RANBP6: variants seen among roughly 807,000 people sequenced by gnomAD.
RANBP6 encodes RAN binding protein 6.
In RANBP6, 10 loss-of-function variants were observed where a neutral mutation model predicts 35.3. The ratio of observed to expected loss-of-function variants is 0.28; its 90% CI spans 0.17 to 0.48. RANBP6 has a LOEUF of 0.48. RANBP6 is among the 20% of genes least tolerant of loss of function. RANBP6 has a pLI of 0.99. For synonymous variants in RANBP6, 514 were observed against 464.2 expected (o/e 1.11, Z -1.38); for missense variants, 1,392 against 1,307.7 (o/e 1.06, Z -0.99).
Position 6,013,752 on chromosome 9 carries a change from A to C in RANBP6, c.1856T>G (p.Met619Arg). 1 of 1,613,944 alleles carries C rather than the reference A, an allele frequency of 6.2e-7. No individual in the cohort carries two copies. The highest frequency in any genetic ancestry group is 8.5e-7 in the Non-Finnish European group (1 of 1,180,032). Residue 619 changes from methionine to arginine, a missense_variant, in exon 1 of 1, where the codon ATG (methionine) becomes AGG (arginine). Met to Arg is a moderately conservative substitution (Grantham distance 91, BLOSUM62 -1). Coordinates refer to ENST00000259569, the MANE Select transcript of RANBP6 (RefSeq NM_012416.4). ...AAAATCTTTTCCAAGAATTTTACAC[A>C]TTCTAGCCCATGCTGAAACCATGTA... ...TSYMVSAWAR[M>R]CKILGKDFQQ...
chr9:6,014,490 T>C lies in RANBP6; in HGVS notation c.1118A>G (p.Gln373Arg), dbSNP rs779158569. ...CTTCCAGTCAGGGCTCTGAAGCATC[T>C]GCATGATATGCTCCTTGGTCATTGG... ...VLPMTKEHIM[Q>R]MLQSPDWKYR... The change falls in exon 1 of 1, where the codon CAG (glutamine) becomes CGG (arginine). Residue 373 changes from glutamine (Q) to arginine (R), a missense_variant. By Grantham distance (43) the Gln-to-Arg change is conservative. Transcript: ENST00000259569. The C allele has an allele frequency of 6.2e-7, 1 of 1,614,238 alleles. No individual in the cohort carries two copies. Among genetic ancestry groups the C allele is most frequent in the Non-Finnish European group, 8.5e-7 (1 of 1,180,044 alleles).
Position 6,014,604 on chromosome 9 carries a change from A to G in RANBP6, c.1004T>C (p.Met335Thr). 1 of 1,614,148 alleles carries G rather than the reference A, an allele frequency of 6.2e-7. No individual in the cohort carries two copies. Among genetic ancestry groups the G allele is most frequent in the Non-Finnish European group, 8.5e-7 (1 of 1,180,034 alleles). The part of the protein sequence containing the change: ...DDEDWVNADE[M>T]EEDDFDSNAV... Reference sequence around the variant, plus strand: ...ATTGCTGTCAAAATCATCTTCTTCCATTTCATCAGCATTTACCCAGTCCTC... The same window carrying G: ...ATTGCTGTCAAAATCATCTTCTTCCGTTTCATCAGCATTTACCCAGTCCTC... Residue 335 changes from methionine to threonine, a missense_variant, in exon 1 of 1, where the codon ATG becomes ACG. Coordinates refer to ENST00000259569, the MANE Select transcript of RANBP6 (RefSeq NM_012416.4).
At position 6,013,016 on chromosome 9, in the gene RANBP6, C is replaced by G. The variant is rs1415078256; in HGVS notation, c.2592G>C (p.Lys864Asn). The G allele has an allele frequency of 1.2e-5, 19 of 1,613,524 alleles. No individual in the cohort carries two copies. The highest frequency in any genetic ancestry group is 1.5e-5 in the Non-Finnish European group (18 of 1,179,860). Residue 864 changes from lysine (K) to asparagine (N), a missense_variant, in exon 1 of 1, where the codon AAG (lysine) becomes AAC (asparagine). Transcript: ENST00000259569. ...GTAGTTGTTCAAACCATGGTAAAATCTTTTCCTTATAAGTACTAAATAATG... is the reference window on the plus strand; with the variant it reads ...GTAGTTGTTCAAACCATGGTAAAATGTTTTCCTTATAAGTACTAAATAATG... Reference protein sequence around the residue: ...LHSLFSTYKEKILPWFEQLLP... With the variant: ...LHSLFSTYKENILPWFEQLLP...
rs1213427034 is a variant in RANBP6 at position 6,012,687 on chromosome 9, A to G, written c.2921T>C (p.Val974Ala). ...TGAGATACAGTTCTCTGTAGCAATG[A>G]CATTTTTTTTGGTTTTGGAATTTGC... is the stretch of plus-strand genomic sequence containing the variant. ...KCANSKTKKN[V>A]IATENCISAI... is the part of the protein sequence containing the mutation. The change falls in exon 1 of 1, where the codon GTC (valine) becomes GCC (alanine). Residue 974 changes from valine (V) to alanine (A), a missense_variant. Val to Ala is a moderately conservative substitution (Grantham distance 64, BLOSUM62 0). Transcript: ENST00000259569. 9.9e-6 allele frequency: 16 copies of G among 1,613,922 alleles called. No individual in the cohort carries two copies. The highest frequency in any genetic ancestry group is 1.4e-5 in the Non-Finnish European group (16 of 1,179,948).
Position 6,014,862 on chromosome 9 carries a change from A to G in RANBP6, c.746T>C (p.Val249Ala). 1 of 1,614,208 alleles carries G rather than the reference A, an allele frequency of 6.2e-7. No homozygotes were observed. The highest frequency in any genetic ancestry group is 8.5e-7 in the Non-Finnish European group (1 of 1,180,036). ...CTTAGGTACGGTATCTGCAATCTCA[A>G]CAAGGGATTCTAGCACTGAATCATC... ...QDDDSVLESLVEIADTVPKYL... is the reference protein window; with the variant it reads ...QDDDSVLESLAEIADTVPKYL... Residue 249 changes from valine (V) to alanine (A), a missense_variant, in exon 1 of 1, where the codon GTT (valine) becomes GCT (alanine). Val to Ala is a moderately conservative substitution (Grantham distance 64, BLOSUM62 0). Transcript: ENST00000259569.
rs1842536908 is a variant in RANBP6, at chr9:6,014,398, T to G, written c.1210A>C (p.Ile404Leu). 6.2e-7 allele frequency: 1 copy of G among 1,614,096 alleles called. No individual in the cohort carries two copies. The highest frequency in any genetic ancestry group is 1.7e-5 in the Admixed American group (1 of 60,006). ...GEGCHQQMES[I>L]LDETVNSVLL... Reference sequence around the variant, plus strand: ...ACGGAGTTAACTGTTTCATCTAGAATTGATTCCATTTGTTGATGGCATCCT... The same window carrying G: ...ACGGAGTTAACTGTTTCATCTAGAAGTGATTCCATTTGTTGATGGCATCCT... Residue 404 changes from isoleucine (I) to leucine (L), a missense_variant, in exon 1 of 1, where the codon ATT becomes CTT. Coordinates refer to ENST00000259569, the MANE Select transcript of RANBP6 (RefSeq NM_012416.4).
In RANBP6 at chr9:6,015,343, G is replaced by T. The variant is rs773296036; in HGVS notation, c.265C>A (p.Leu89Met). 5.6e-6 allele frequency: 9 copies of T among 1,614,220 alleles called. No homozygotes were observed. Among genetic ancestry groups the T allele is most frequent in the Non-Finnish European group, 6.8e-6 (8 of 1,180,048 alleles). ...ACATCTCTCTGAACATCAGCAGGCAGATTTGGATAAACCTCCTCAAACCCA... is the reference window on the plus strand; with the variant it reads ...ACATCTCTCTGAACATCAGCAGGCATATTTGGATAAACCTCCTCAAACCCA... ...SSGFEEVYPN[L>M]PADVQRDVKI... Residue 89 changes from leucine (L) to methionine (M), a missense_variant, in exon 1 of 1, where the codon CTG becomes ATG. Transcript: ENST00000259569.
Position 6,014,057 on chromosome 9 carries a change from C to T in RANBP6, c.1551G>A (p.Leu517=). ...ELIRNGTKLA[L]EQLVTTIASV... is the part of the protein sequence containing the mutation. ...ATGCAATGGTTGTCACAAGTTGTTC[C>T]AAAGCCAACTTAGTTCCATTCCGAA... is the stretch of plus-strand genomic sequence containing the variant. The change falls in exon 1 of 1, where the codon TTG becomes TTA. Residue 517 remains leucine, a synonymous_variant. Coordinates refer to ENST00000259569, the MANE Select transcript of RANBP6 (RefSeq NM_012416.4). 6.2e-7 allele frequency: 1 copy of T among 1,613,664 alleles called. No homozygotes were observed. Among genetic ancestry groups the T allele is most frequent in the Non-Finnish European group, 8.5e-7 (1 of 1,179,902 alleles).
rs1325773777 is a variant in RANBP6, at chr9:6,015,357, T to G, written c.251A>C (p.Glu84Ala). The G allele has an allele frequency of 6.2e-7, 1 of 1,614,202 alleles. No individual in the cohort carries two copies. Residue 84 changes from glutamate (E) to alanine (A), a missense_variant, in exon 1 of 1, where the codon GAG becomes GCG. Coordinates refer to ENST00000259569, the MANE Select transcript of RANBP6 (RefSeq NM_012416.4). ...LRRLLSSGFE[E>A]VYPNLPADVQ... Reference sequence around the variant, plus strand: ...ATCAGCAGGCAGATTTGGATAAACCTCCTCAAACCCAGAGGACAAAAGCCG... The same window carrying G: ...ATCAGCAGGCAGATTTGGATAAACCGCCTCAAACCCAGAGGACAAAAGCCG...
chr9:6,013,320 T>A lies in RANBP6; in HGVS notation c.2288A>T (p.Lys763Met). The A allele has an allele frequency of 1.2e-6, 2 of 1,614,170 alleles. No individual in the cohort carries two copies. The highest frequency in any genetic ancestry group is 1.7e-6 in the Non-Finnish European group (2 of 1,180,006). ...MWQFICDPLIKAIGTEPDTDV... is the reference protein window; with the variant it reads ...MWQFICDPLIMAIGTEPDTDV... The stretch of plus-strand genomic sequence containing the variant: ...TGTATCTGGTTCAGTACCAATAGCC[T>A]TGATTAAGGGGTCACATATGAATTG... Residue 763 changes from lysine to methionine, a missense_variant, in exon 1 of 1, where the codon AAG becomes ATG. Coordinates refer to ENST00000259569, the MANE Select transcript of RANBP6 (RefSeq NM_012416.4).
chr9:6,014,302 T>G lies in RANBP6; in HGVS notation c.1306A>C (p.Thr436Pro). ...AACTTLGQMA[T>P]DFAPNFQKKF... ...TTTTGGAAATTAGGTGCAAAATCTGTAGCCATCTGTCCAAGTGTAGTACAG... is the reference window on the plus strand; with the variant it reads ...TTTTGGAAATTAGGTGCAAAATCTGGAGCCATCTGTCCAAGTGTAGTACAG... The change falls in exon 1 of 1, where the codon ACA becomes CCA. Residue 436 changes from threonine (T) to proline (P), a missense_variant. Transcript: ENST00000259569. 2 of 1,614,254 alleles carry G rather than the reference T, an allele frequency of 1.2e-6. No homozygotes were observed. The highest frequency in any genetic ancestry group is 1.7e-6 in the Non-Finnish European group (2 of 1,180,038).
In RANBP6 at chr9:6,013,259, C is replaced by G; in HGVS notation, c.2349G>C (p.Lys783Asn). 1 of 1,614,176 alleles carries G rather than the reference C, an allele frequency of 6.2e-7. No homozygotes were observed. Among genetic ancestry groups the G allele is most frequent in the Non-Finnish European group, 8.5e-7 (1 of 1,180,030 alleles). ...VLSEIMNSFA[K>N]SIEVMGDGCL... ...AACCATCTCCCATAACTTCAATGGA[C>G]TTTGCAAAAGAATTCATTATTTCTG... The change falls in exon 1 of 1, where the codon AAG becomes AAC. Residue 783 changes from lysine to asparagine, a missense_variant. Physicochemically the swap from Lys to Asn is moderately conservative, Grantham distance 94 (BLOSUM62 0). Transcript: ENST00000259569.
In RANBP6 at chr9:6,012,756, A is replaced by G. The variant is rs1342768555; in HGVS notation, c.2852T>C (p.Leu951Ser). The G allele has an allele frequency of 6.2e-7, 1 of 1,614,092 alleles. No homozygotes were observed. Among genetic ancestry groups the G allele is most frequent in the African/African-American group, 1.3e-5 (1 of 74,944 alleles). ...CAGAAGTGGAACAGCTTCTGAACAT[A>G]AAGAACGATAATCATCTCCACCAAA... ...AQFGGDDYRS[L>S]CSEAVPLLVK... The change falls in exon 1 of 1, where the codon TTA (leucine) becomes TCA (serine). Residue 951 changes from leucine (L) to serine (S), a missense_variant. Transcript: ENST00000259569.
At position 6,014,322 on chromosome 9, in the gene RANBP6, G is replaced by C. The variant is rs760702047; in HGVS notation, c.1286C>G (p.Thr429Ser). The C allele has an allele frequency of 3.5e-5, 57 of 1,614,078 alleles. No homozygotes were observed. The highest frequency in any genetic ancestry group is 1.5e-5 in the Non-Finnish European group (18 of 1,180,010). ...PHPRVRAAAC[T>S]TLGQMATDFA... ...ATCTGTAGCCATCTGTCCAAGTGTA[G>C]TACAGGCTGCAGCCCTCACCCTTGG... is the stretch of plus-strand genomic sequence containing the variant. Residue 429 changes from threonine to serine, a missense_variant, in exon 1 of 1, where the codon ACT (threonine) becomes AGT (serine). Coordinates refer to ENST00000259569, the MANE Select transcript of RANBP6 (RefSeq NM_012416.4).
Position 6,012,241 on chromosome 9 carries a change from T to C in RANBP6, c.*49A>G. ...TAATAAAATCTATTCACAACACTTA[T>C]TTGTAGTTACTTTTATAATAGATAA... On this transcript the variant is annotated 3_prime_UTR_variant, in exon 1 of 1. Transcript: ENST00000259569. 3.1e-6 allele frequency: 4 copies of C among 1,305,530 alleles called. No homozygotes were observed. The highest frequency in any genetic ancestry group is 4.1e-6 in the Non-Finnish European group (4 of 967,346). 80.9% of individuals were successfully genotyped at this position (1,305,530 alleles called of 1,614,324 possible). A position where few individuals can be genotyped will look rare whatever the true frequency, so the allele number is the denominator to read the frequency against.
In RANBP6 at chr9:6,014,477, G is replaced by C. The variant is rs780057217; in HGVS notation, c.1131C>G (p.Ser377Arg). Residue 377 changes from serine (S) to arginine (R), a missense_variant, in exon 1 of 1, where the codon AGC becomes AGG. By Grantham distance (110) the Ser-to-Arg change is moderately radical (BLOSUM62 -1). Transcript: ENST00000259569. ...CAGCATGTCGATACTTCCAGTCAGG[G>C]CTCTGAAGCATCTGCATGATATGCT... Reference protein sequence around the residue: ...TKEHIMQMLQSPDWKYRHAGL... With the variant: ...TKEHIMQMLQRPDWKYRHAGL... 13 of 1,614,122 alleles carry C rather than the reference G, an allele frequency of 8.1e-6. No individual in the cohort carries two copies. In the South Asian group the frequency reaches 1.1e-4, roughly 14 times the overall value.
chr9:6,013,870 T>C lies in RANBP6; in HGVS notation c.1738A>G (p.Lys580Glu), dbSNP rs1158027478. The change falls in exon 1 of 1, where the codon AAA (lysine) becomes GAA (glutamate). Residue 580 changes from lysine (K) to glutamate (E), a missense_variant. Lys to Glu is a moderately conservative substitution (Grantham distance 56, BLOSUM62 1). Transcript: ENST00000259569. ...SHIGLAVGKEKFMQDASNVMQ... is the reference protein window; with the variant it reads ...SHIGLAVGKEEFMQDASNVMQ... The stretch of plus-strand genomic sequence containing the variant: ...ACATTTGATGCATCTTGCATAAATT[T>C]TTCCTTCCCAACAGCAAGACCAATA... 2.5e-6 allele frequency: 4 copies of C among 1,613,858 alleles called. No homozygotes were observed. The African/African-American group carries it at 5.3e-5, about 22-fold the overall frequency.
Position 6,015,553 on chromosome 9 carries a change from ACT to A in RANBP6, c.53_54del (p.Glu18ValfsTer24). The stretch of plus-strand genomic sequence containing the variant: ...ATCAGGTTCTTCAGAAGCTGGTAAA[ACT>A]CTTGCTTTTCTGACACGGTCGCCGG... ...GVPATVSEKQ[E>X]FYQLLKNLIN... On this transcript the variant is annotated frameshift_variant, in exon 1 of 1. Coordinates refer to ENST00000259569, the MANE Select transcript of RANBP6 (RefSeq NM_012416.4). LOFTEE classifies it low-confidence loss of function (END_TRUNC). 2 of 1,609,648 alleles carry A rather than the reference ACT, an allele frequency of 1.2e-6. No individual in the cohort carries two copies. Among genetic ancestry groups the A allele is most frequent in the South Asian group, 1.1e-5 (1 of 90,998 alleles).
In RANBP6 at chr9:6,012,519, C is replaced by T. The variant is rs186485944; in HGVS notation, c.3089G>A (p.Ser1030Asn). ...TGGACCAATTACAACTGGGTGGTTA[C>T]TTTCAATTAGGTCACAGAGAAAACT... ...TLSFLCDLIESNHPVVIGPNN... is the reference protein window; with the variant it reads ...TLSFLCDLIENNHPVVIGPNN... Residue 1030 changes from serine to asparagine, a missense_variant, in exon 1 of 1, where the codon AGT (serine) becomes AAT (asparagine). Ser to Asn is a conservative substitution (Grantham distance 46, BLOSUM62 1). Coordinates refer to ENST00000259569, the MANE Select transcript of RANBP6 (RefSeq NM_012416.4). The T allele has an allele frequency of 1.2e-6, 2 of 1,612,432 alleles. No individual in the cohort carries two copies. Among genetic ancestry groups the T allele is most frequent in the Non-Finnish European group, 1.7e-6 (2 of 1,179,350 alleles).
Sources: gnomAD v4.1 joint callset for allele counts on GRCh38, gnomAD v4.1.1 for gene constraint, MANE v1.5 for transcripts, NCBI Gene and HGNC (gene_info 2026-07-23, HGNC 2026-07-21) for gene names.